GPC6: variants seen among roughly 807,000 people sequenced by gnomAD.
GPC6 encodes glypican 6.
GPC6 carries 14 observed loss-of-function variants against 55.2 expected under a neutral mutation model. The ratio of observed to expected loss-of-function variants is 0.25; its 90% CI spans 0.17 to 0.40. The LOEUF (loss-of-function observed/expected upper bound fraction) is 0.40, where lower values mean the gene tolerates loss of function less well. Ranked by LOEUF, GPC6 falls within the 10% of genes least tolerant of loss-of-function variation. The probability of loss-of-function intolerance (pLI) is 1.00; values close to 1 mark genes in which losing one functional copy is unlikely to be tolerated. For missense variants in GPC6, 641 were observed against 708.5 expected, an observed-to-expected ratio of 0.90 and a Z score of 1.08; for synonymous variants, 278 against 259.6, an observed-to-expected ratio of 1.07 and a Z score of -0.68.
intron 4 of GPC6, among the ~76,000 whole-genome samples, chr13:94,218,033 A>G (rs1890273883): frequency 6.6e-6 from 1 of 152,176 alleles, no homozygotes; most frequent in Non-Finnish European, 1.5e-5. Context: ...GCATGTGGTA[A>G]TGGTTCTATA....
intron 2 of GPC6, among the ~76,000 whole-genome samples, chr13:93,772,257 G>A (rs530127916): frequency 1.9e-4 from 29 of 152,016 alleles, no homozygotes; most frequent in Non-Finnish European, 3.7e-4. Context: ...TGAAGATATC[G>A]GCATTGGTTA....
chr13:93,423,263 T>C (rs1876994058), intron 1 of GPC6, among the ~76,000 whole-genome samples: 1 of 152,172 alleles, frequency 6.6e-6, no homozygotes, highest in Admixed American at 6.5e-5. Flanking sequence ...TCAGGCCAGG[T>C]GTATCTCATC....
intron 3 of GPC6, among the ~76,000 whole-genome samples, chr13:93,839,560 C>T (rs1003794231): frequency 1.3e-5 from 2 of 152,278 alleles, no homozygotes; most frequent in Non-Finnish European, 2.9e-5. Flanking sequence ...TGTGGCTTAT[C>T]ACCGTTTACA....
At chr13:93,734,742 T>A (rs1350681902) in intron 2 of GPC6, among the ~76,000 whole-genome samples, 2 of 152,154 alleles carry the variant, frequency 1.3e-5, no homozygotes, top group Non-Finnish European at 2.9e-5. Context: ...TTTTTAAAAA[T>A]AACCAATTGC....
the GPC6 span, among the ~76,000 whole-genome samples, chr13:93,220,153 A>C: frequency 1.8e-4 from 28 of 152,230 alleles, no homozygotes; most frequent in African/African-American, 6.0e-4. Context: ...AGGGCCTTTA[A>C]ATCTGTGAAA....
chr13:93,851,094 C>T (rs1888376851), intron 3 of GPC6, among the ~76,000 whole-genome samples: 1 of 151,926 alleles, frequency 6.6e-6, no homozygotes, highest in Admixed American at 6.6e-5. Context: ...TGGTGTAACA[C>T]AGCTTACTTT....
chr13:93,906,278 C>T (rs954377863), intron 3 of GPC6, among the ~76,000 whole-genome samples: 4 of 152,170 alleles, frequency 2.6e-5, no homozygotes, highest in Admixed American at 6.5e-5. Flanking sequence ...TTTGCATCTT[C>T]TCTTACCAAG....
intron 1 of GPC6, among the ~76,000 whole-genome samples, chr13:93,372,975 T>C (rs568463647): frequency 1.3e-5 from 2 of 152,200 alleles, no homozygotes; most frequent in African/African-American, 4.8e-5. Context: ...CTGAGACATA[T>C]GCAGGGTCGT....
intron 7 of GPC6, 74 bp downstream of exon 7, chr13:94,382,624 C>T: frequency 6.3e-7 from 1 of 1,585,768 alleles, no homozygotes; most frequent in Middle Eastern, 2.0e-4. Flanking sequence ...TGGCACAACT[C>T]TACAAACCTG....
At chr13:93,640,598 C>T (rs1879871779) in intron 2 of GPC6, among the ~76,000 whole-genome samples, 2 of 152,008 alleles carry the variant, frequency 1.3e-5, no homozygotes, top group African/African-American at 2.4e-5. Flanking sequence ...GAAATGGAAG[C>T]TGAGGCACTA....
chr13:93,839,033 C>T (rs1887849973), intron 3 of GPC6, among the ~76,000 whole-genome samples: 1 of 152,176 alleles, frequency 6.6e-6, no homozygotes, highest in South Asian at 2.1e-4. Context: ...AGCACGCCCT[C>T]CTGAAAGTAA....
chr13:94,378,088 C>T (rs900873424), intron 6 of GPC6, among the ~76,000 whole-genome samples: 27 of 152,094 alleles, frequency 1.8e-4, no homozygotes, highest in African/African-American at 6.5e-4. Flanking sequence ...GGAGATATAC[C>T]TAATGCTAGA....
chr13:93,989,475 G>GC (rs1404004660), intron 3 of GPC6, among the ~76,000 whole-genome samples: 1 of 152,180 alleles, frequency 6.6e-6, no homozygotes, highest in Non-Finnish European at 1.5e-5. Flanking sequence ...CATGATCAGA[G>GC]CAAGAAGATT....
intron 3 of GPC6, among the ~76,000 whole-genome samples, chr13:93,924,849 CA>C (rs1877771862): frequency 2.0e-5 from 3 of 151,540 alleles, no homozygotes; most frequent in Admixed American, 6.6e-5. Flanking sequence ...TAATTGACAC[CA>C]AAAAATTGTA....
At chr13:93,425,203 T>C (rs1003319414) in intron 1 of GPC6, among the ~76,000 whole-genome samples, 6 of 152,200 alleles carry the variant, frequency 3.9e-5, no homozygotes, top group Non-Finnish European at 8.8e-5. Context: ...GTATTTTTTA[T>C]TTTACTTTTT....
chr13:93,437,450 C>T (rs1366054144), intron 1 of GPC6, among the ~76,000 whole-genome samples: 7 of 152,172 alleles, frequency 4.6e-5, no homozygotes, highest in Admixed American at 4.6e-4. Context: ...ATTAAAAGTG[C>T]TACTCCAGTG....
At chr13:93,813,123 T>A (rs1052663235) in intron 2 of GPC6, among the ~76,000 whole-genome samples, 2 of 152,224 alleles carry the variant, frequency 1.3e-5, no homozygotes. Context: ...GTAGTTTCTG[T>A]ATCTCAGTAA....
intron 3 of GPC6, among the ~76,000 whole-genome samples, chr13:93,833,383 C>T (rs1367208247): frequency 6.6e-6 from 1 of 152,100 alleles, no homozygotes; most frequent in Non-Finnish European, 1.5e-5. Context: ...AGACTAAATA[C>T]ATTAAGAAGA....
At chr13:94,324,474 A>G (rs1466189053) in intron 6 of GPC6, among the ~76,000 whole-genome samples, 1 of 152,164 alleles carries the variant, frequency 6.6e-6, no homozygotes, top group Non-Finnish European at 1.5e-5. Flanking sequence ...CAAGTTACCA[A>G]CTGTAATTTA....
Sources: gnomAD v4.1 joint callset for allele counts (sites outside exome capture counted in the v4.1 genomes callset) on GRCh38, gnomAD v4.1.1 for gene constraint, MANE v1.5 for transcripts, NCBI Gene and HGNC (gene_info 2026-07-23, HGNC 2026-07-21) for gene names.